The following GNAO1 variants were observed in gnomAD, a reference collection of about 807,000 sequenced individuals.
GNAO1 encodes the protein G protein subunit alpha o1.
For synonymous variants in GNAO1, 164 were observed against 180.7 expected, an observed-to-expected ratio of 0.91 and a Z score of 0.74; for missense variants, 166 against 478.7, an observed-to-expected ratio of 0.35 and a Z score of 6.10.
At chr16:56,234,093 C>T (rs2036615075) in intron 2 of GNAO1, among the ~76,000 whole-genome samples, 1 of 152,218 alleles carries the variant, frequency 6.6e-6, no homozygotes, top group African/African-American at 2.4e-5. Flanking sequence ...CACCCAAACA[C>T]CCACACCCAC....
intron 3 of GNAO1, among the ~76,000 whole-genome samples, chr16:56,316,478 C>T (rs2037510919): frequency 6.6e-6 from 1 of 152,200 alleles, no homozygotes; most frequent in South Asian, 2.1e-4. Flanking sequence ...GGCTGCATGA[C>T]CCCACTGCTG....
At chr16:56,256,686 G>GTCTCTCTGTCTCTCTCTCTC (rs1567457155) in intron 2 of GNAO1, among the ~76,000 whole-genome samples, 1 of 136,430 alleles carries the variant, frequency 7.3e-6, no homozygotes, top group African/African-American at 2.9e-5. Flanking sequence ...CTTTCTCTCT[G>GTCTCTCTGTCTCTCTCTCTC]TCTCTCTCTC....
At chr16:56,327,280 C>T (rs995675826) in intron 3 of GNAO1, among the ~76,000 whole-genome samples, 6 of 152,070 alleles carry the variant, frequency 3.9e-5, no homozygotes, top group Admixed American at 1.3e-4. Flanking sequence ...AGCAGAAACA[C>T]GGCCTCTCAA....
At chr16:56,234,964 G>A (rs918060075) in intron 2 of GNAO1, 1 of 238,422 alleles carries the variant, frequency 4.2e-6, no homozygotes, top group African/African-American at 2.2e-5. Context: ...TTAATGTTCA[G>A]CCACCAGCTG....
intron 2 of GNAO1, among the ~76,000 whole-genome samples, chr16:56,260,384 G>A (rs1308200554): frequency 4.6e-5 from 7 of 152,154 alleles, no homozygotes; most frequent in Non-Finnish European, 1.0e-4. Context: ...TGTCTTCAAC[G>A]TGCACCAATT....
chr16:56,218,973 A>G (rs1474509378), intron 2 of GNAO1, among the ~76,000 whole-genome samples: 8 of 152,146 alleles, frequency 5.3e-5, no homozygotes, highest in African/African-American at 1.9e-4. Context: ...CACATTTTTT[A>G]AAATGTGAAA....
Position 56,268,682 on chromosome 16 carries a change from T to C in GNAO1, c.162-7249T>C, listed in dbSNP as rs150895789. Among the ~76,000 whole-genome samples, 188 of 152,310 alleles carry C rather than the reference T, an allele frequency of 1.2e-3. 2 individuals carry two copies. In the South Asian group the frequency reaches 0.022, roughly 18 times the overall value. On this transcript the variant is annotated intron_variant, in intron 2 of 8. Transcript: ENST00000262493. The stretch of plus-strand genomic sequence containing the variant: ...CCCAAAAGTGATTATTAATACATCT[T>C]GTTACACATCCTCACATAATAACTC...
chr16:56,321,859 C>T (rs887071624), intron 3 of GNAO1, among the ~76,000 whole-genome samples: 15 of 152,174 alleles, frequency 9.9e-5, no homozygotes, highest in African/African-American at 2.9e-4. Context: ...CCGTCTGCCC[C>T]GCGTAAAATA....
intron 2 of GNAO1, among the ~76,000 whole-genome samples, chr16:56,274,993 A>G (rs1222024989): frequency 1.3e-5 from 2 of 152,248 alleles, no homozygotes; most frequent in Admixed American, 6.5e-5. Context: ...AAAGTAATGA[A>G]GGAATTGGAA....
chr16:56,284,662 T>C (rs1319455629), intron 3 of GNAO1, among the ~76,000 whole-genome samples: 1 of 152,156 alleles, frequency 6.6e-6, no homozygotes, highest in Admixed American at 6.5e-5. Flanking sequence ...TTCATGGTTG[T>C]CTTACCCTTG....
Position 56,326,404 on chromosome 16 carries a change from G to T in GNAO1, c.304-2227G>T, listed in dbSNP as rs1363310970. Among the ~76,000 whole-genome samples, 1 of 152,214 alleles carries T rather than the reference G, an allele frequency of 6.6e-6. No homozygotes were observed. Among genetic ancestry groups the T allele is most frequent in the African/African-American group, 2.4e-5 (1 of 41,450 alleles). On this transcript the variant is annotated intron_variant, in intron 3 of 8. Coordinates refer to ENST00000262493, the MANE Select transcript of GNAO1 (RefSeq NM_020988.3). The surrounding 1 kb of genome is among the most constrained non-coding windows in gnomAD (Gnocchi z 4.8). The stretch of plus-strand genomic sequence containing the variant: ...GTCTGGTGCCTGGGCTGAGACAGGG[G>T]CTTGCTGTCCTCAAGACAGCTTCTA...
chr16:56,280,228 T>C (rs2143531900), intron 3 of GNAO1, among the ~76,000 whole-genome samples: 1 of 152,288 alleles, frequency 6.6e-6, no homozygotes, highest in Middle Eastern at 3.4e-3. Context: ...GAAGAGCTGC[T>C]TAGTGGGAGT....
At position 56,298,930 on chromosome 16, in the gene GNAO1, A is replaced by AG. The variant is rs2037314762; in HGVS notation, c.303+22861dup. On this transcript the variant is annotated intron_variant, in intron 3 of 8. Transcript: ENST00000262493. Reference sequence around the variant, plus strand: ...ACTCTGTCTCAAAAAAAAAAAAAAAAGGGTTAATTAAATAAAACATATGAA... The same window carrying AG: ...ACTCTGTCTCAAAAAAAAAAAAAAAAGGGGTTAATTAAATAAAACATATGAA... Among the ~76,000 whole-genome samples, 6 of 151,448 alleles carry AG rather than the reference A, an allele frequency of 4.0e-5. No homozygotes were observed. In the South Asian group the frequency reaches 1.0e-3, roughly 26 times the overall value.
intron 3 of GNAO1, among the ~76,000 whole-genome samples, chr16:56,317,953 G>A (rs9936298): frequency 6.6e-4 from 100 of 152,294 alleles, no homozygotes; most frequent in Admixed American, 1.2e-3. Context: ...GCCTTGCTCA[G>A]AATCCTAAGC....
At chr16:56,233,947 A>T (rs551040330) in intron 2 of GNAO1, among the ~76,000 whole-genome samples, 3 of 152,196 alleles carry the variant, frequency 2.0e-5, no homozygotes, top group African/African-American at 7.2e-5. Flanking sequence ...TAAACAGCCC[A>T]GATGCTGTGC....
At chr16:56,346,190 C>T (rs1204089962) in intron 6 of GNAO1, 15 of 985,116 alleles carry the variant, frequency 1.5e-5, no homozygotes, top group African/African-American at 3.5e-5. Context: ...GGGAGAAATT[C>T]TCTCCCTGTG....
At chr16:56,222,508 G>T (rs2036499693) in intron 2 of GNAO1, among the ~76,000 whole-genome samples, 1 of 152,156 alleles carries the variant, frequency 6.6e-6, no homozygotes, top group African/African-American at 2.4e-5. Flanking sequence ...CCACTCCCCA[G>T]ACCTTGGAGT....
rs952257088 is a variant in GNAO1 at position 56,283,161 on chromosome 16, G to C, written c.303+7089G>C. ...TATTTTAAGCTATTACAACCTCCTTGCTTCTCAAGTTGCTCATTTACTTCT... is the reference window on the plus strand; with the variant it reads ...TATTTTAAGCTATTACAACCTCCTTCCTTCTCAAGTTGCTCATTTACTTCT... On this transcript the variant is annotated intron_variant, in intron 3 of 8. Coordinates refer to ENST00000262493, the MANE Select transcript of GNAO1 (RefSeq NM_020988.3). 3.3e-5 allele frequency among the ~76,000 whole-genome samples: 5 copies of C among 152,214 alleles called. No individual in the cohort carries two copies. The East Asian group carries it at 9.6e-4, about 29-fold the overall frequency.
At chr16:56,336,909 C>T (rs745675528) in intron 6 of GNAO1, 49 bp downstream of exon 6, 28 of 1,560,954 alleles carry the variant, frequency 1.8e-5, no homozygotes, top group South Asian at 5.8e-5. Context: ...AGGAGACGGC[C>T]GCAGGATAGG....
Sources: gnomAD v4.1 joint callset for allele counts (sites outside exome capture counted in the v4.1 genomes callset) on GRCh38, gnomAD v4.1.1 for gene constraint, Gnocchi (gnomAD v3.1) non-coding constraint, MANE v1.5 for transcripts, NCBI Gene and HGNC (gene_info 2026-07-23, HGNC 2026-07-21) for gene names.